RNF213: variants seen among roughly 807,000 people sequenced by gnomAD.
RNF213 encodes ring finger protein 213.
A neutral mutation model predicts 514.4 loss-of-function variants in RNF213; 341 were observed. That is an observed-to-expected ratio of 0.66 (90% confidence interval 0.61 to 0.73). RNF213 has a LOEUF of 0.73. RNF213 is among the 30% of genes least tolerant of loss of function. The probability of loss-of-function intolerance (pLI) is 0.00; values close to 1 mark genes in which losing one functional copy is unlikely to be tolerated. For synonymous variants in RNF213, 2,655 were observed against 2,658.2 expected, an observed-to-expected ratio of 1.00 and a Z score of 0.04; for missense variants, 5,767 against 6,615.6, an observed-to-expected ratio of 0.87 and a Z score of 4.45.
At chr17:80,299,823 T>C (rs1307603795) in intron 11 of RNF213, among the ~76,000 whole-genome samples, 5 of 152,196 alleles carry the variant, frequency 3.3e-5, no homozygotes, top group Admixed American at 2.6e-4. Context: ...TATTTGGTTC[T>C]CGTTCCTGAG....
intron 17 of RNF213, among the ~76,000 whole-genome samples, chr17:80,323,465 A>G (rs920359589): frequency 6.6e-6 from 1 of 152,170 alleles, no homozygotes; most frequent in East Asian, 1.9e-4. Flanking sequence ...TATTCAATGT[A>G]TAGATCAGTT....
chr17:80,308,884 C>T (rs1010446056), intron 13 of RNF213, 134 bp from the exon 14 acceptor site: 11 of 1,060,972 alleles, frequency 1.0e-5, no homozygotes, highest in Admixed American at 1.9e-5. Flanking sequence ...ATTTTCCAGA[C>T]GTTAACCTAG....
At chr17:80,371,642 A>T in intron 46 of RNF213, 4 of 437,466 alleles carry the variant, frequency 9.1e-6, no homozygotes, top group Non-Finnish European at 1.6e-5. Flanking sequence ...TAAGACTATA[A>T]AGGGGTCCTG....
intron 16 of RNF213, among the ~76,000 whole-genome samples, chr17:80,318,021 C>T (rs1170109886): frequency 6.6e-6 from 1 of 152,114 alleles, no homozygotes. Context: ...TTCCTCTGGT[C>T]CAGGTGTCTG....
rs1045950539 is a variant in RNF213 at position 80,377,071 on chromosome 17, G to C, written c.13510+108G>C. ...GGGGTCCACGTGGTTTGTGCCTCAGGGTCCAAAACCACCTGCATTCTACCG... is the reference window on the plus strand; with the variant it reads ...GGGGTCCACGTGGTTTGTGCCTCAGCGTCCAAAACCACCTGCATTCTACCG... On this transcript the variant is annotated intron_variant, in intron 53 of 67. Coordinates refer to ENST00000582970, the MANE Select transcript of RNF213 (RefSeq NM_001256071.3). This position sits in a 1 kb window ranked among gnomAD's most constrained non-coding sequence, Gnocchi z 4.1. The C allele has an allele frequency of 2.4e-6, 2 of 831,362 alleles. No homozygotes were observed. Among genetic ancestry groups the C allele is most frequent in the African/African-American group, 3.4e-5 (2 of 59,342 alleles). The allele number at this position is 831,362 out of a possible 1,614,324, so 51.5% of individuals were successfully genotyped here.
At position 80,332,543 on chromosome 17, in the gene RNF213, C is replaced by A; in HGVS notation, c.4055C>A (p.Ala1352Asp). The A allele has an allele frequency of 6.5e-7, 1 of 1,536,460 alleles. No homozygotes were observed. Among genetic ancestry groups the A allele is most frequent in the Non-Finnish European group, 8.7e-7 (1 of 1,146,190 alleles). ...QIKEYHHLHQ[A>D]VHAAKVILQV... The stretch of plus-strand genomic sequence containing the variant: ...AAGGAATACCATCACCTGCACCAGG[C>A]TGTCCACGCAGCCAAGGTCATCTTG... The change falls in exon 21 of 68, where the codon GCT (alanine) becomes GAT (aspartate). Residue 1352 changes from alanine (A) to aspartate (D), a missense_variant. By Grantham distance (126) the Ala-to-Asp change is moderately radical (BLOSUM62 -2). Around this residue, in one of 13 missense-constraint regions of RNF213, gnomAD observed 516 missense variants for 566.5 expected, o/e 0.91. Transcript: ENST00000582970.
At chr17:80,385,713 A>G (rs879773846) in intron 61 of RNF213, 92 bp downstream of exon 61, 9 of 1,034,610 alleles carry the variant, frequency 8.7e-6, no homozygotes, top group Non-Finnish European at 1.3e-5. Flanking sequence ...ATCCCTGTCA[A>G]CACCCAGCAC....
At chr17:80,382,804 G>A (rs1020761985) in intron 57 of RNF213, 175 bp from the exon 58 acceptor site, 3 of 593,882 alleles carry the variant, frequency 5.1e-6, no homozygotes, top group Non-Finnish European at 9.3e-6. Flanking sequence ...TCTTCAAAAG[G>A]TCATTAAGTT....
Position 80,332,436 on chromosome 17 carries a change from C to G in RNF213, c.3948C>G (p.Asp1316Glu). ...IFKDFVNKYT[D>E]LDSELKIMCT... ...AGGACTTTGTGAATAAATACACGGA[C>G]CTGGATTCAGAACTTAAGATCATGT... The change falls in exon 21 of 68, where the codon GAC (aspartate) becomes GAG (glutamate). Residue 1316 changes from aspartate (D) to glutamate (E), a missense_variant. Physicochemically the swap from Asp to Glu is conservative, Grantham distance 45. Around this residue, in one of 13 missense-constraint regions of RNF213, gnomAD observed 516 missense variants for 566.5 expected, o/e 0.91. Coordinates refer to ENST00000582970, the MANE Select transcript of RNF213 (RefSeq NM_001256071.3). The G allele has an allele frequency of 6.5e-7, 1 of 1,537,170 alleles. No homozygotes were observed. Among genetic ancestry groups the G allele is most frequent in the Non-Finnish European group, 8.7e-7 (1 of 1,146,910 alleles).
intron 11 of RNF213, among the ~76,000 whole-genome samples, chr17:80,303,383 C>T (rs1014176606): frequency 2.6e-5 from 4 of 152,090 alleles, no homozygotes; most frequent in African/African-American, 4.8e-5. Flanking sequence ...GAGACGCCCC[C>T]TCATAAAGCA....
chr17:80,325,481 C>G (rs1353536831), intron 18 of RNF213, among the ~76,000 whole-genome samples: 1 of 152,084 alleles, frequency 6.6e-6, no homozygotes, highest in Non-Finnish European at 1.5e-5. Context: ...TTCTGAAAGT[C>G]CCCTTTAAGG....
rs776910530 is a variant in RNF213, at chr17:80,346,267, T to C, written c.7932T>C (p.Cys2644=). Residue 2644 remains cysteine (C), a synonymous_variant, in exon 29 of 68, where the codon TGT becomes TGC. Transcript: ENST00000582970. This position sits in a 1 kb window ranked among gnomAD's most constrained non-coding sequence, Gnocchi z 8.1. The part of the protein sequence containing the change: ...SFVSLRDVER[C]VKVFRWFHEH... Reference sequence around the variant, plus strand: ...TCAGCCTCAGGGACGTGGAGCGCTGTGTGAAAGTTTTCAGGTGGTTCCACG... The same window carrying C: ...TCAGCCTCAGGGACGTGGAGCGCTGCGTGAAAGTTTTCAGGTGGTTCCACG... 20 of 1,614,122 alleles carry C rather than the reference T, an allele frequency of 1.2e-5. No individual in the cohort carries two copies. The South Asian group carries it at 2.0e-4, about 16-fold the overall frequency.
Position 80,289,777 on chromosome 17 carries a change from C to A in RNF213, c.1052C>A (p.Ala351Asp). The change falls in exon 6 of 68, where the codon GCT (alanine) becomes GAT (aspartate). Residue 351 changes from alanine (A) to aspartate (D), a missense_variant. This residue lies in a region of RNF213 where 509 missense variants were observed against 496.7 expected (regional missense o/e 1.02). Transcript: ENST00000582970. ...GAGGGGAAGAACAGAAGTGCAGCTG[C>A]TGTGAAAAACGAGAAGGAGCAAAAA... ...KPEGKNRSAAAVKNEKEQKNQ... is the reference protein window; with the variant it reads ...KPEGKNRSAADVKNEKEQKNQ... 6.2e-7 allele frequency: 1 copy of A among 1,613,664 alleles called. No individual in the cohort carries two copies. Among genetic ancestry groups the A allele is most frequent in the Non-Finnish European group, 8.5e-7 (1 of 1,179,888 alleles).
At chr17:80,332,696 C>T in intron 21 of RNF213, 65 bp downstream of exon 21, 1 of 1,437,558 alleles carries the variant, frequency 7.0e-7, no homozygotes, top group East Asian at 2.5e-5. Flanking sequence ...CTTCAGGAGC[C>T]ATGGGCTTTG....
At chr17:80,356,564 C>T (rs1465778924) in intron 36 of RNF213, among the ~76,000 whole-genome samples, 2 of 152,244 alleles carry the variant, frequency 1.3e-5, no homozygotes, top group African/African-American at 2.4e-5. Context: ...TTTGCCCTCT[C>T]GGGATTAAAC....
intron 57 of RNF213, 128 bp downstream of exon 57, chr17:80,381,855 T>C: frequency 1.1e-6 from 1 of 917,706 alleles, no homozygotes; most frequent in East Asian, 2.6e-5. Flanking sequence ...CTGGAAAGAA[T>C]GAGAGAACAC....
At chr17:80,366,789 T>C (rs1001968069) in intron 42 of RNF213, among the ~76,000 whole-genome samples, 12 of 152,182 alleles carry the variant, frequency 7.9e-5, no homozygotes, top group African/African-American at 2.9e-4. Context: ...AATACCCTTG[T>C]CAAACTTGGA....
intron 22 of RNF213, among the ~76,000 whole-genome samples, chr17:80,334,609 C>G (rs550615235): frequency 1.8e-4 from 23 of 128,134 alleles, no homozygotes; most frequent in African/African-American, 6.9e-4. Context: ...TTCCTGCCCA[C>G]AGAGAGGTTT....
intron 3 of RNF213, among the ~76,000 whole-genome samples, chr17:80,279,340 C>T (rs1256476917): frequency 6.6e-6 from 1 of 152,156 alleles, no homozygotes; most frequent in East Asian, 1.9e-4. Flanking sequence ...CCCGACCCAG[C>T]CTCTGCCTGA....
Sources: gnomAD v4.1 joint callset for allele counts (sites outside exome capture counted in the v4.1 genomes callset) on GRCh38, gnomAD v4.1.1 for gene constraint, gnomAD v4.1.1 regional missense constraint, Gnocchi (gnomAD v3.1) non-coding constraint, MANE v1.5 for transcripts, NCBI Gene and HGNC (gene_info 2026-07-23, HGNC 2026-07-21) for gene names.